The following EBF1 variants were observed in gnomAD, a reference collection of about 807,000 sequenced individuals.
The protein encoded by EBF1 is EBF transcription factor 1, also known as transcription factor COE1.
Under a neutral mutation model 68.4 loss-of-function variants are expected in EBF1, and 10 were observed. The observed-to-expected ratio is 0.15, with a 90% CI of 0.09 to 0.25. The LOEUF (loss-of-function observed/expected upper bound fraction) is 0.25, where lower values mean the gene tolerates loss of function less well. Ranked by LOEUF, EBF1 falls within the 10% of genes least tolerant of loss-of-function variation. The pLI is 1.00. For synonymous variants in EBF1, 298 were observed against 299.8 expected (o/e 0.99, Z 0.06); for missense variants, 509 against 794.4 (o/e 0.64, Z 4.32).
intron 6 of EBF1, among the ~76,000 whole-genome samples, chr5:158,902,443 A>G (rs897784073): frequency 8.0e-5 from 12 of 149,354 alleles, no homozygotes; most frequent in African/African-American, 1.2e-4. Context: ...TCTTCTAGAA[A>G]TAGGATCTTG....
At chr5:159,009,860 C>T (rs1051303996) in intron 6 of EBF1, among the ~76,000 whole-genome samples, 1 of 151,508 alleles carries the variant, frequency 6.6e-6, no homozygotes, top group East Asian at 1.9e-4. Context: ...GCAAAAGAAA[C>T]GTGGAAAACC....
intron 6 of EBF1, among the ~76,000 whole-genome samples, chr5:158,912,509 A>G (rs1806217730): frequency 1.3e-5 from 2 of 152,160 alleles, no homozygotes; most frequent in Non-Finnish European, 2.9e-5. Context: ...GAGAATATTT[A>G]AGAATACAGA....
chr5:158,783,957 T>A (rs1280442596), intron 9 of EBF1, among the ~76,000 whole-genome samples: 1 of 152,152 alleles, frequency 6.6e-6, no homozygotes, highest in South Asian at 2.1e-4. Flanking sequence ...ATGGCCCACA[T>A]GGTAGGTAAA....
chr5:158,876,065 G>T (rs1226944436), intron 6 of EBF1, among the ~76,000 whole-genome samples: 1 of 152,184 alleles, frequency 6.6e-6, no homozygotes, highest in Non-Finnish European at 1.5e-5. Flanking sequence ...GCTTCATTTT[G>T]TGGATGCGAA....
chr5:158,704,847 TG>T (rs1277080996), intron 15 of EBF1, among the ~76,000 whole-genome samples: 1 of 152,168 alleles, frequency 6.6e-6, no homozygotes, highest in African/African-American at 2.4e-5. Flanking sequence ...GCACAGCACC[TG>T]GGGGTGCAGT....
chr5:158,699,906 T>C (rs781764334), intron 15 of EBF1, among the ~76,000 whole-genome samples: 1 of 152,188 alleles, frequency 6.6e-6, no homozygotes, highest in Non-Finnish European at 1.5e-5. Flanking sequence ...TTGAAAGCAT[T>C]CAAAGCTAGG....
intron 6 of EBF1, among the ~76,000 whole-genome samples, chr5:159,052,055 T>C (rs1182146341): frequency 6.6e-6 from 1 of 152,168 alleles, no homozygotes; most frequent in East Asian, 1.9e-4. Flanking sequence ...ATTTAGTATA[T>C]TTGTTTCAGA....
intron 6 of EBF1, among the ~76,000 whole-genome samples, chr5:159,020,774 A>G (rs746380054): frequency 1.1e-4 from 16 of 152,222 alleles, no homozygotes; most frequent in Non-Finnish European, 1.9e-4. Context: ...CAAAGTGCCT[A>G]GTACAGTGGA....
At chr5:158,902,731 C>T (rs1233895189) in intron 6 of EBF1, among the ~76,000 whole-genome samples, 1 of 151,900 alleles carries the variant, frequency 6.6e-6, no homozygotes, top group Non-Finnish European at 1.5e-5. Flanking sequence ...GCTGAGATTA[C>T]AGGTGTGAGC....
chr5:158,812,147 T>C (rs1297074369), intron 8 of EBF1, among the ~76,000 whole-genome samples: 3 of 152,206 alleles, frequency 2.0e-5, no homozygotes, highest in Admixed American at 2.0e-4. Flanking sequence ...TGTAGCCCTA[T>C]TGTCTGATAT....
At chr5:158,941,359 A>G (rs1306034181) in intron 6 of EBF1, 1 of 429,604 alleles carries the variant, frequency 2.3e-6, no homozygotes, top group Non-Finnish European at 4.7e-6. Flanking sequence ...AGGCAAAGGA[A>G]CCAATACAAT....
At chr5:158,762,341 A>G (rs952753384) in intron 10 of EBF1, among the ~76,000 whole-genome samples, 33 of 152,182 alleles carry the variant, frequency 2.2e-4, no homozygotes, top group Admixed American at 2.2e-3. Context: ...AAAGGGGAAT[A>G]GATATGTTTT....
At chr5:158,759,804 G>A (rs889551549) in intron 10 of EBF1, among the ~76,000 whole-genome samples, 40 of 151,934 alleles carry the variant, frequency 2.6e-4, no homozygotes, top group African/African-American at 8.2e-4. Context: ...TGGAATACAG[G>A]TGTCTTGGGG....
rs935470567 is a variant in EBF1 at position 158,883,344 on chromosome 5, G to GCATGTATATATATATATACACATACATA, written c.555-43262_555-43235dup. Reference sequence around the variant, plus strand: ...TGTATATATATACACACACATACATGCATGTATATATATATATACACATAC... The same window carrying GCATGTATATATATATATACACATACATA: ...TGTATATATATACACACACATACATGCATGTATATATATATATACACATACATACATGTATATATATATATACACATAC... On this transcript the variant is annotated intron_variant, in intron 6 of 15. Coordinates refer to ENST00000313708, the MANE Select transcript of EBF1 (RefSeq NM_024007.5). Among the ~76,000 whole-genome samples, 290 of 92,844 alleles carry GCATGTATATATATATATACACATACATA rather than the reference G, an allele frequency of 3.1e-3. 1 individual carries two copies. Among genetic ancestry groups the GCATGTATATATATATATACACATACATA allele is most frequent in the Middle Eastern group, 0.011 (2 of 182 alleles). The allele number at this position is 92,844 out of a possible 152,430, so 60.9% of individuals were successfully genotyped here.
At chr5:158,857,129 G>T (rs1325559843) in intron 6 of EBF1, among the ~76,000 whole-genome samples, 1 of 151,860 alleles carries the variant, frequency 6.6e-6, no homozygotes, top group African/African-American at 2.4e-5. Flanking sequence ...CAACTGTGTT[G>T]GTTAGATCTA....
At chr5:159,092,102 T>C (rs1295903945) in intron 4 of EBF1, among the ~76,000 whole-genome samples, 1 of 152,172 alleles carries the variant, frequency 6.6e-6, no homozygotes, top group Non-Finnish European at 1.5e-5. Flanking sequence ...AAATACTACA[T>C]GAAAATCTGA....
chr5:158,896,789 A>T (rs1802263788), intron 6 of EBF1, among the ~76,000 whole-genome samples: 1 of 152,292 alleles, frequency 6.6e-6, no homozygotes, highest in South Asian at 2.1e-4. Flanking sequence ...AACCTCTTGT[A>T]AAATAAATAC....
At chr5:158,978,779 TACACACACACACACACATAC>T (rs1365427398) in intron 6 of EBF1, among the ~76,000 whole-genome samples, 7 of 130,082 alleles carry the variant, frequency 5.4e-5, no homozygotes, top group Admixed American at 1.6e-4. Context: ...GAATTGAAGA[TACACACACACACACACATAC>T]ACACACACAC....
intron 8 of EBF1, among the ~76,000 whole-genome samples, chr5:158,797,166 T>C (rs555894569): frequency 6.6e-6 from 1 of 152,204 alleles, no homozygotes; most frequent in African/African-American, 2.4e-5. Flanking sequence ...AACCCTAGAA[T>C]TGACTTTTTC....
Sources: gnomAD v4.1 joint callset for allele counts (sites outside exome capture counted in the v4.1 genomes callset) on GRCh38, gnomAD v4.1.1 for gene constraint, MANE v1.5 for transcripts, NCBI Gene and HGNC (gene_info 2026-07-23, HGNC 2026-07-21) for gene names.